The following SMG6 variants were observed in gnomAD, a reference collection of about 807,000 sequenced individuals.
SMG6 encodes SMG6 nonsense mediated mRNA decay factor.
SMG6 carries 66 observed loss-of-function variants against 142.2 expected under a neutral mutation model. The observed-to-expected ratio is 0.46, with a 90% confidence interval of 0.38 to 0.57. SMG6 has a LOEUF of 0.57. SMG6 is among the 20% of genes least tolerant of loss of function. The probability of loss-of-function intolerance (pLI) is 0.00; values close to 1 mark genes in which losing one functional copy is unlikely to be tolerated. For missense variants in SMG6, 1,793 were observed against 1,832.0 expected, an observed-to-expected ratio of 0.98 and a Z score of 0.39; for synonymous variants, 779 against 702.4, an observed-to-expected ratio of 1.11 and a Z score of -1.72.
chr17:2,084,117 TCACTGG>T (rs2151433035), intron 14 of SMG6, among the ~76,000 whole-genome samples: 1 of 152,352 alleles, frequency 6.6e-6, no homozygotes, highest in Non-Finnish European at 1.5e-5. Context: ...CTCACTTGCC[TCACTGG>T]ATTTGGGACT....
rs1237660563 is a variant in SMG6 at position 2,073,658 on chromosome 17, G to A, written c.3682-4727C>T. ...CAGGCAGCAGAGGTTGCTGTGAGCC[G>A]AGATGGTGCCACTGCACTCCAGCCT... On this transcript the variant is annotated intron_variant, in intron 15 of 18. Transcript: ENST00000263073. Among the ~76,000 whole-genome samples the A allele has an allele frequency of 5.1e-5, 7 of 137,368 alleles. No homozygotes were observed. The East Asian group carries it at 1.1e-3, about 21-fold the overall frequency. The allele number at this position is 137,368 out of a possible 152,430, so 90.1% of individuals were successfully genotyped here. A position where few individuals can be genotyped will look rare whatever the true frequency, so the allele number is the denominator to read the frequency against.
At chr17:2,108,157 G>T (rs1597394797) in intron 13 of SMG6, among the ~76,000 whole-genome samples, 1 of 152,080 alleles carries the variant, frequency 6.6e-6, no homozygotes, top group African/African-American at 2.4e-5. Context: ...GGATTACAGA[G>T]AATTTGCATG....
intron 13 of SMG6, among the ~76,000 whole-genome samples, chr17:2,136,128 T>C (rs1167523877): frequency 2.0e-5 from 3 of 151,872 alleles, no homozygotes; most frequent in Non-Finnish European, 4.4e-5. Context: ...AGTGGTGTGA[T>C]CTTGGCTCAC....
chr17:2,198,337 G>A (rs2072397216), intron 10 of SMG6, among the ~76,000 whole-genome samples: 1 of 152,134 alleles, frequency 6.6e-6, no homozygotes, highest in Non-Finnish European at 1.5e-5. Flanking sequence ...TTAGGATTGG[G>A]GGCTGAAAGG....
At chr17:2,170,267 C>T (rs2071462611) in intron 13 of SMG6, among the ~76,000 whole-genome samples, 2 of 152,202 alleles carry the variant, frequency 1.3e-5, no homozygotes, top group Admixed American at 6.5e-5. Flanking sequence ...GGTCTGCTGG[C>T]TCTGTGTTCT....
chr17:2,283,794 G>C, intron 6 of SMG6, 59 bp from the exon 7 acceptor site: 1 of 1,354,074 alleles, frequency 7.4e-7, no homozygotes, highest in South Asian at 1.2e-5. Context: ...TCCAGCAAGA[G>C]GCAGCTGACT....
rs757944717 is a variant in SMG6, at chr17:2,228,374, G to A, written c.2869+8118C>T. Among the ~76,000 whole-genome samples, 3 of 152,162 alleles carry A rather than the reference G, an allele frequency of 2.0e-5. No individual in the cohort carries two copies. The South Asian group carries it at 6.2e-4, about 32-fold the overall frequency. On this transcript the variant is annotated intron_variant, in intron 10 of 18. Transcript: ENST00000263073. ...CTCCTCAGTAGCTGGGATTACAGGC[G>A]CCTGCCACCGTGCAGGGCTAATTTT...
At chr17:2,262,220 T>C (rs1367152254) in intron 8 of SMG6, among the ~76,000 whole-genome samples, 1 of 152,214 alleles carries the variant, frequency 6.6e-6, no homozygotes, top group Non-Finnish European at 1.5e-5. Context: ...AAGCATAACT[T>C]ATTCCTAAGC....
chr17:2,182,042 C>G (rs1487313120), intron 12 of SMG6, among the ~76,000 whole-genome samples: 1 of 152,056 alleles, frequency 6.6e-6, no homozygotes, highest in Admixed American at 6.5e-5. Context: ...TGAGGTGACC[C>G]GGGGAAGGCC....
At chr17:2,206,474 G>C (rs1249476256) in intron 10 of SMG6, among the ~76,000 whole-genome samples, 1 of 151,990 alleles carries the variant, frequency 6.6e-6, no homozygotes, top group Non-Finnish European at 1.5e-5. Context: ...AGCTACTCAC[G>C]AGGCTGAGGT....
Position 2,283,614 on chromosome 17 carries a change from T to TC in SMG6, c.2448+10dup, listed in dbSNP as rs1336818958. The TC allele has an allele frequency of 6.2e-7, 1 of 1,602,380 alleles. No individual in the cohort carries two copies. The stretch of plus-strand genomic sequence containing the variant: ...TCGAGGAAGGAAGGGTTCTGCCACA[T>TC]CCCCACTCACCTTCCGCTTGGTCTC... On this transcript the variant is annotated intron_variant, in intron 7 of 18. Coordinates refer to ENST00000263073, the MANE Select transcript of SMG6 (RefSeq NM_017575.5).
chr17:2,142,796 G>C (rs2070524846), intron 13 of SMG6, among the ~76,000 whole-genome samples: 1 of 151,476 alleles, frequency 6.6e-6, no homozygotes, highest in African/African-American at 2.4e-5. Context: ...GCTGAGGCGG[G>C]AGAATTGGTT....
In SMG6 at chr17:2,297,993, T is replaced by G; in HGVS notation, c.1910A>C (p.Gln637Pro). Reference protein sequence around the residue: ...ILLDIEFSDNQNVDQILWKNA... With the variant: ...ILLDIEFSDNPNVDQILWKNA... ...CTTCCACAGGATCTGATCCACATTC[T>G]GATTATCAGAGAACTCAATATCTAA... The change falls in exon 3 of 19, where the codon CAG (glutamine) becomes CCG (proline). Residue 637 changes from glutamine (Q) to proline (P), a missense_variant. Physicochemically the swap from Gln to Pro is moderately conservative, Grantham distance 76 (BLOSUM62 -1). Around this residue, in one of 3 missense-constraint regions of SMG6, gnomAD observed 1,597 missense variants for 1,584.6 expected, o/e 1.01. Coordinates refer to ENST00000263073, the MANE Select transcript of SMG6 (RefSeq NM_017575.5). 1 of 1,613,348 alleles carries G rather than the reference T, an allele frequency of 6.2e-7. No homozygotes were observed. The highest frequency in any genetic ancestry group is 8.5e-7 in the Non-Finnish European group (1 of 1,180,016).
chr17:2,069,636 T>C (rs2068045302), intron 15 of SMG6, among the ~76,000 whole-genome samples: 1 of 152,116 alleles, frequency 6.6e-6, no homozygotes, highest in Admixed American at 6.5e-5. Flanking sequence ...AACAATGAAG[T>C]TGAACTCAAA....
intron 10 of SMG6, among the ~76,000 whole-genome samples, chr17:2,193,874 C>T (rs1372086187): frequency 6.6e-6 from 1 of 152,204 alleles, no homozygotes; most frequent in African/African-American, 2.4e-5. Context: ...GTCGTCTAGA[C>T]TGGAGTGGTG....
chr17:2,168,702 C>T (rs986389766), intron 13 of SMG6, among the ~76,000 whole-genome samples: 1 of 151,926 alleles, frequency 6.6e-6, no homozygotes, highest in Admixed American at 6.6e-5. Context: ...GATGGTGAGA[C>T]CCCGTCTCTA....
intron 16 of SMG6, among the ~76,000 whole-genome samples, chr17:2,067,335 C>CA (rs1231485831): frequency 1.3e-5 from 2 of 152,124 alleles, no homozygotes; most frequent in East Asian, 3.9e-4. Flanking sequence ...GTCCTGGTGA[C>CA]AAAAAACCCT....
chr17:2,225,322 C>CA (rs796350568), intron 10 of SMG6, among the ~76,000 whole-genome samples: 3,307 of 125,548 alleles, frequency 0.026, 141 homozygotes, highest in African/African-American at 0.092. Context: ...ACTAAAAATA[C>CA]AAAAAAAAGA....
intron 13 of SMG6, among the ~76,000 whole-genome samples, chr17:2,103,729 TTG>T (rs1236402019): frequency 1.3e-5 from 2 of 152,130 alleles, no homozygotes; most frequent in African/African-American, 4.8e-5. Flanking sequence ...GTAGCTCCCA[TTG>T]GGCCACTTGG....
Sources: allele counts gnomAD v4.1 joint callset (sites outside exome capture counted in the v4.1 genomes callset), GRCh38; gene constraint gnomAD v4.1.1; regional missense constraint gnomAD v4.1.1; transcripts MANE v1.5; gene names NCBI Gene and HGNC (gene_info 2026-07-23, HGNC 2026-07-21).